TNRC6B: variants seen among roughly 807,000 people sequenced by gnomAD.
TNRC6B encodes trinucleotide repeat-containing gene 6B protein.
Under a neutral mutation model 203.6 loss-of-function variants are expected in TNRC6B, and 52 were observed. The ratio of observed to expected loss-of-function variants is 0.26; its 90% CI spans 0.20 to 0.32. TNRC6B has a LOEUF of 0.32. TNRC6B is among the 10% of genes least tolerant of loss of function. TNRC6B has a pLI of 1.00. For synonymous variants in TNRC6B, 838 were observed against 845.7 expected (o/e 0.99, Z 0.16); for missense variants, 1,923 against 2,286.2 (o/e 0.84, Z 3.24).
chr22:40,305,737 G>A (rs917862240), intron 15 of TNRC6B, among the ~76,000 whole-genome samples: 7 of 152,070 alleles, frequency 4.6e-5, no homozygotes, highest in South Asian at 2.1e-4. Context: ...GTGAGGCAGC[G>A]CTGGGACTGC....
intron 1 of TNRC6B, among the ~76,000 whole-genome samples, chr22:40,225,487 G>A (rs1896361357): frequency 6.6e-6 from 1 of 152,164 alleles, no homozygotes; most frequent in Non-Finnish European, 1.5e-5. Context: ...CCAGCACTTC[G>A]GGAGGCTGAG....
In TNRC6B at chr22:40,075,243, A is replaced by G. The variant is rs1000215839; in HGVS notation, c.-121+30245A>G. On this transcript the variant is annotated intron_variant, in intron 1 of 23. Transcript: ENST00000301923. ...CTGAGAAGTGTTGAAATATCCAACT[A>G]TAATTGTGGATTTGTCTATTTCCCC... Among the ~76,000 whole-genome samples, 7 of 141,984 alleles carry G rather than the reference A, an allele frequency of 4.9e-5. No individual in the cohort carries two copies. The South Asian group carries it at 1.3e-3, about 27-fold the overall frequency. The allele number at this position is 141,984 out of a possible 152,430, so 93.1% of individuals were successfully genotyped here. A position where few individuals can be genotyped will look rare whatever the true frequency, so the allele number is the denominator to read the frequency against.
chr22:40,183,244 T>C (rs2069158986), intron 1 of TNRC6B, among the ~76,000 whole-genome samples: 1 of 152,188 alleles, frequency 6.6e-6, no homozygotes, highest in Non-Finnish European at 1.5e-5. Context: ...TGTTGCTTAG[T>C]AAGTGTTTCC....
At chr22:40,152,484 G>C (rs549517926) in intron 3 of TNRC6B, among the ~76,000 whole-genome samples, 1 of 152,082 alleles carries the variant, frequency 6.6e-6, no homozygotes, top group Non-Finnish European at 1.5e-5. Context: ...CCACCACCAC[G>C]CCCGGCTAAT....
At chr22:40,321,368 A>G in intron 22 of TNRC6B, 139 bp downstream of exon 22, 3 of 977,956 alleles carry the variant, frequency 3.1e-6, no homozygotes, top group Non-Finnish European at 4.5e-6. Context: ...GCAAGTCTCG[A>G]GTGTGGAGAG....
intron 1 of TNRC6B, among the ~76,000 whole-genome samples, chr22:40,075,274 G>A (rs1469534494): frequency 1.4e-5 from 2 of 144,960 alleles, no homozygotes; most frequent in Non-Finnish European, 3.0e-5. Flanking sequence ...TCCCCTTTCA[G>A]TTCTGTTCAT....
chr22:40,108,954 G>GC (rs1400953862), intron 1 of TNRC6B, among the ~76,000 whole-genome samples: 3 of 134,276 alleles, frequency 2.2e-5, no homozygotes, highest in African/African-American at 8.2e-5. Context: ...CAGCCAACAG[G>GC]CCCAGTGTGT....
At chr22:40,252,635 A>G (rs773737310) in intron 3 of TNRC6B, among the ~76,000 whole-genome samples, 15 of 152,254 alleles carry the variant, frequency 9.9e-5, no homozygotes, top group African/African-American at 7.2e-5. Context: ...AAAAGAAACC[A>G]TAATTATTAG....
chr22:40,210,143 C>CT (rs2069541518), intron 1 of TNRC6B, among the ~76,000 whole-genome samples: 1 of 152,180 alleles, frequency 6.6e-6, no homozygotes, highest in African/African-American at 2.4e-5. Context: ...CGCCTTGTGC[C>CT]TTCCCCCCAA....
At position 40,096,804 on chromosome 22, in the gene TNRC6B, C is replaced by T. The variant is rs145653591; in HGVS notation, c.-120-20251C>T. Among the ~76,000 whole-genome samples, 13 of 152,290 alleles carry T rather than the reference C, an allele frequency of 8.5e-5. No homozygotes were observed. In the East Asian group the frequency reaches 2.5e-3, roughly 29 times the overall value. On this transcript the variant is annotated intron_variant, in intron 1 of 23. Transcript: ENST00000301923. ...TTTTATTGATCCACCTACACATTGG[C>T]ATGTGAATTTACTTCTCCATGAAAG...
intron 15 of TNRC6B, 67 bp from the exon 16 acceptor site, chr22:40,308,445 G>A: frequency 1.3e-6 from 2 of 1,580,938 alleles, no homozygotes; most frequent in East Asian, 2.2e-5. Flanking sequence ...AGGCATTCCT[G>A]GACTCTGCTT....
intron 1 of TNRC6B, among the ~76,000 whole-genome samples, chr22:40,113,381 G>T (rs1026374590): frequency 2.6e-5 from 4 of 152,160 alleles, no homozygotes; most frequent in Non-Finnish European, 4.4e-5. Flanking sequence ...TTGAGACAAG[G>T]TCTGGCTCTG....
chr22:40,088,112 A>G (rs2068115918), intron 1 of TNRC6B, among the ~76,000 whole-genome samples: 2 of 152,226 alleles, frequency 1.3e-5, no homozygotes, highest in Admixed American at 6.5e-5. Flanking sequence ...CTTCACTCCA[A>G]GGATGAACTC....
intron 1 of TNRC6B, among the ~76,000 whole-genome samples, chr22:40,194,703 A>G (rs576646896): frequency 1.3e-5 from 2 of 152,316 alleles, no homozygotes; most frequent in African/African-American, 2.4e-5. Context: ...TTTAAATGCA[A>G]TCAGCCTGTG....
rs902585893 is a variant in TNRC6B at position 40,055,245 on chromosome 22, TAGAC to T, written c.-121+10250_-121+10253del. On this transcript the variant is annotated intron_variant, in intron 1 of 23. Transcript: ENST00000301923. Reference sequence around the variant, plus strand: ...CCATTTAGTGTAATAAGTGCTGTAATAGACAGTACAAGAGGTGCTGCGGGGATGA... The same window carrying T: ...CCATTTAGTGTAATAAGTGCTGTAATAGTACAAGAGGTGCTGCGGGGATGA... Among the ~76,000 whole-genome samples, 27 of 152,148 alleles carry T rather than the reference TAGAC, an allele frequency of 1.8e-4. No individual in the cohort carries two copies. In the South Asian group the frequency reaches 4.6e-3, roughly 26 times the overall value.
chr22:40,271,505 G>T (rs543600219), intron 6 of TNRC6B, among the ~76,000 whole-genome samples: 1 of 152,010 alleles, frequency 6.6e-6, no homozygotes, highest in Non-Finnish European at 1.5e-5. Flanking sequence ...GAATCTCCTC[G>T]ACCTCATTAA....
intron 3 of TNRC6B, among the ~76,000 whole-genome samples, chr22:40,138,640 TTAG>T (rs1297341586): frequency 6.6e-6 from 1 of 152,116 alleles, no homozygotes; most frequent in Non-Finnish European, 1.5e-5. Flanking sequence ...TAAAACTAAA[TTAG>T]TAGGCATTTT....
chr22:40,056,990 A>G (rs1215310594), intron 1 of TNRC6B, among the ~76,000 whole-genome samples: 1 of 152,130 alleles, frequency 6.6e-6, no homozygotes, highest in East Asian at 1.9e-4. Context: ...ATCTCAACAG[A>G]GTAAGAAGTC....
intron 4 of TNRC6B, among the ~76,000 whole-genome samples, chr22:40,263,540 C>T (rs549128788): frequency 3.7e-4 from 56 of 152,158 alleles, no homozygotes; most frequent in Admixed American, 3.4e-3. Context: ...CCCTAAATCT[C>T]GAGTTTCGGT....
Sources: allele counts gnomAD v4.1 joint callset (sites outside exome capture counted in the v4.1 genomes callset), GRCh38; gene constraint gnomAD v4.1.1; transcripts MANE v1.5; gene names NCBI Gene and HGNC (gene_info 2026-07-23, HGNC 2026-07-21).